CAMK4: variants seen among roughly 807,000 people sequenced by gnomAD.
CAMK4 encodes the protein calcium/calmodulin-dependent protein kinase type IV.
In CAMK4, 22 loss-of-function variants were observed where a neutral mutation model predicts 44.9. The observed-to-expected ratio is 0.49, with a 90% confidence interval of 0.35 to 0.70. The LOEUF (loss-of-function observed/expected upper bound fraction) is 0.70. Ranked by LOEUF, CAMK4 falls within the 30% of genes least tolerant of loss-of-function variation. The probability of loss-of-function intolerance (pLI) is 0.01; values close to 1 mark genes in which losing one functional copy is unlikely to be tolerated. For synonymous variants in CAMK4, 218 were observed against 215.4 expected, an observed-to-expected ratio of 1.01 and a Z score of -0.11; for missense variants, 498 against 586.8, an observed-to-expected ratio of 0.85 and a Z score of 1.56.
At chr5:111,285,053 G>A (rs1188181990) in intron 1 of CAMK4, among the ~76,000 whole-genome samples, 8 of 152,214 alleles carry the variant, frequency 5.3e-5, no homozygotes, top group Admixed American at 2.6e-4. Flanking sequence ...CATATGGAAT[G>A]TCTGTCACTA....
At position 111,376,847 on chromosome 5, in the gene CAMK4, T is replaced by A. The variant is rs1751231187; in HGVS notation, c.304-13T>A. On this transcript the variant is annotated splice_polypyrimidine_tract_variant and intron_variant, in intron 3 of 10. Transcript: ENST00000282356. ...GAAATTTGTGATATTCTTTTTTTTA[T>A]ATCTTTCCCTAGATAAAACTTAAAG... The A allele has an allele frequency of 6.8e-7, 1 of 1,472,286 alleles. No homozygotes were observed. The highest frequency in any genetic ancestry group is 9.4e-7 in the Non-Finnish European group (1 of 1,061,324). The allele number at this position is 1,472,286 out of a possible 1,614,324, so 91.2% of individuals were successfully genotyped here. A position where few individuals can be genotyped will look rare whatever the true frequency, so the allele number is the denominator to read the frequency against.
rs55762276 is a variant in CAMK4 at position 111,245,221 on chromosome 5, C to T, written c.161+20577C>T. On this transcript the variant is annotated intron_variant, in intron 1 of 10. Transcript: ENST00000282356. ...TATTTATTCTTAATTTCAATTAATA[C>T]TGCCAGCACCCAATTTGCATTAAAT... is the stretch of plus-strand genomic sequence containing the variant. Among the ~76,000 whole-genome samples the T allele has an allele frequency of 9.4e-3, 1,429 of 152,280 alleles. 21 individuals are homozygous for T. Among genetic ancestry groups the T allele is most frequent in the African/African-American group, 0.033 (1,368 of 41,536 alleles).
At chr5:111,275,926 AAAAAG>A (rs1415358043) in intron 1 of CAMK4, among the ~76,000 whole-genome samples, 1 of 152,158 alleles carries the variant, frequency 6.6e-6, no homozygotes, top group Non-Finnish European at 1.5e-5. Context: ...TCAATTTTAA[AAAAAG>A]AAAAGAGAAT....
At chr5:111,475,767 G>A (rs974872238) in intron 8 of CAMK4, among the ~76,000 whole-genome samples, 9 of 152,258 alleles carry the variant, frequency 5.9e-5, no homozygotes, top group Admixed American at 5.9e-4. Context: ...GAAGTCCACT[G>A]GCACGGTCGA....
At chr5:111,346,884 C>T (rs1359186510) in intron 2 of CAMK4, among the ~76,000 whole-genome samples, 3 of 151,728 alleles carry the variant, frequency 2.0e-5, no homozygotes, top group Non-Finnish European at 2.9e-5. Flanking sequence ...GAAAGTGAGG[C>T]GTTTATTGCA....
At chr5:111,357,337 G>A (rs564681287) in intron 2 of CAMK4, among the ~76,000 whole-genome samples, 56 of 152,080 alleles carry the variant, frequency 3.7e-4, no homozygotes, top group Non-Finnish European at 6.8e-4. Flanking sequence ...CAAAGCTGGA[G>A]AGTGCTGTCC....
chr5:111,430,706 A>C (rs1753411307), intron 5 of CAMK4, among the ~76,000 whole-genome samples: 1 of 152,190 alleles, frequency 6.6e-6, no homozygotes, highest in Non-Finnish European at 1.5e-5. Context: ...CCCACCTAAA[A>C]TAGCCACAAA....
At chr5:111,450,307 C>T (rs748595530) in intron 7 of CAMK4, among the ~76,000 whole-genome samples, 1 of 152,148 alleles carries the variant, frequency 6.6e-6, no homozygotes, top group Non-Finnish European at 1.5e-5. Flanking sequence ...GCACTACAGC[C>T]TGGGCGACAG....
At chr5:111,421,726 T>C (rs1753038838) in intron 5 of CAMK4, among the ~76,000 whole-genome samples, 1 of 152,166 alleles carries the variant, frequency 6.6e-6, no homozygotes, top group African/African-American at 2.4e-5. Context: ...TTTTAATGAT[T>C]ATGTTGAAAG....
chr5:111,357,303 G>T (rs1330669190), intron 2 of CAMK4, among the ~76,000 whole-genome samples: 1 of 152,080 alleles, frequency 6.6e-6, no homozygotes, highest in Non-Finnish European at 1.5e-5. Context: ...TAGGAAAGTT[G>T]AGAGAAGCTC....
rs970735097 is a variant in CAMK4, at chr5:111,486,890, C to T, written c.*2424C>T. On this transcript the variant is annotated 3_prime_UTR_variant, in exon 11 of 11. Transcript: ENST00000282356. ...AATCAATGGGAGTTTTAAATTTTGA[C>T]TCATGTTAAAGATAAGATTCTGATA... 3 of 151,978 alleles carry T rather than the reference C, an allele frequency of 2.0e-5. No individual in the cohort carries two copies. Among genetic ancestry groups the T allele is most frequent in the Non-Finnish European group, 4.4e-5 (3 of 68,004 alleles). 9.4% of individuals were successfully genotyped at this position (151,978 alleles called of 1,614,324 possible). A position where few individuals can be genotyped will look rare whatever the true frequency, so the allele number is the denominator to read the frequency against.
At chr5:111,331,834 T>A (rs1749179719) in intron 1 of CAMK4, among the ~76,000 whole-genome samples, 3 of 151,724 alleles carry the variant, frequency 2.0e-5, no homozygotes, top group Admixed American at 2.0e-4. Context: ...ATAGTTTTGA[T>A]CTTAGTATTT....
intron 1 of CAMK4, among the ~76,000 whole-genome samples, chr5:111,246,095 G>A (rs1007081166): frequency 6.6e-6 from 1 of 152,136 alleles, no homozygotes; most frequent in African/African-American, 2.4e-5. Flanking sequence ...ATGTGTGGAC[G>A]TGTTTTTCTG....
intron 1 of CAMK4, among the ~76,000 whole-genome samples, chr5:111,343,097 G>C (rs1749712264): frequency 1.3e-5 from 2 of 151,302 alleles, no homozygotes; most frequent in Non-Finnish European, 3.0e-5. Context: ...ACCTTACCAA[G>C]GTTTTAAAAA....
intron 1 of CAMK4, among the ~76,000 whole-genome samples, chr5:111,281,677 AAGCC>A (rs1386450037): frequency 1.3e-5 from 2 of 152,228 alleles, no homozygotes; most frequent in African/African-American, 4.8e-5. Context: ...TGAGAGTTTG[AAGCC>A]ATTTTTATAA....
At chr5:111,310,432 G>C (rs987470052) in intron 1 of CAMK4, among the ~76,000 whole-genome samples, 3 of 152,218 alleles carry the variant, frequency 2.0e-5, no homozygotes, top group African/African-American at 7.2e-5. Flanking sequence ...AGAGGCATGA[G>C]CCAATTGATA....
rs1473340864 is a variant in CAMK4 at position 111,489,435 on chromosome 5, T to C, written c.*4969T>C. 6.6e-6 allele frequency: 1 copy of C among 152,234 alleles called. No homozygotes were observed. Among genetic ancestry groups the C allele is most frequent in the African/African-American group, 2.4e-5 (1 of 41,466 alleles). 9.4% of individuals were successfully genotyped at this position (152,234 alleles called of 1,614,324 possible). On this transcript the variant is annotated 3_prime_UTR_variant, in exon 11 of 11. Transcript: ENST00000282356. Reference sequence around the variant, plus strand: ...AGCTCATAAAGCTTGGCCATGTCTATACTTATCTTGGAGAGCAATAACAAA... The same window carrying C: ...AGCTCATAAAGCTTGGCCATGTCTACACTTATCTTGGAGAGCAATAACAAA...
At chr5:111,405,573 A>G (rs1752394258) in intron 5 of CAMK4, among the ~76,000 whole-genome samples, 1 of 152,246 alleles carries the variant, frequency 6.6e-6, no homozygotes, top group Non-Finnish European at 1.5e-5. Flanking sequence ...TTTAGGGAAC[A>G]TAATAAAGGT....
At chr5:111,225,471 T>A (rs79372015) in intron 1 of CAMK4, among the ~76,000 whole-genome samples, 11 of 151,320 alleles carry the variant, frequency 7.3e-5, no homozygotes, top group Non-Finnish European at 3.0e-5. Context: ...CCTTTTTTTT[T>A]GTCTTTTCTC....
Sources: allele counts gnomAD v4.1 joint callset (sites outside exome capture counted in the v4.1 genomes callset), GRCh38; gene constraint gnomAD v4.1.1; transcripts MANE v1.5; gene names NCBI Gene and HGNC (gene_info 2026-07-23, HGNC 2026-07-21).